Variants in CNTN6 observed in about 807,000 individuals in gnomAD.
CNTN6 encodes the protein contactin 6.
In CNTN6, 137 loss-of-function variants were observed where a neutral mutation model predicts 122.8. That is an observed-to-expected ratio of 1.12 (90% CI 0.97 to 1.29). The LOEUF (loss-of-function observed/expected upper bound fraction) is 1.29. Ranked by LOEUF, CNTN6 falls within the 50% of genes most tolerant of loss-of-function variation. The pLI, the probability that CNTN6 is intolerant of heterozygous loss-of-function variation, is 0.00. For synonymous variants in CNTN6, 570 were observed against 426.0 expected (o/e 1.34, Z -4.16); for missense variants, 1,634 against 1,223.4 (o/e 1.34, Z -5.01).
intron 7 of CNTN6, among the ~76,000 whole-genome samples, chr3:1,314,799 CT>C (rs1332725570): frequency 6.6e-6 from 1 of 151,960 alleles, no homozygotes; most frequent in Non-Finnish European, 1.5e-5. Flanking sequence ...CTTTTATCAT[CT>C]AGTAGTATTT....
At chr3:1,121,861 C>T (rs1484458320) in intron 1 of CNTN6, among the ~76,000 whole-genome samples, 1 of 151,810 alleles carries the variant, frequency 6.6e-6, no homozygotes, top group African/African-American at 2.4e-5. Flanking sequence ...TGTGTATTGC[C>T]TTTTCCTTCT....
At chr3:1,240,466 C>T (rs1285276379) in intron 4 of CNTN6, among the ~76,000 whole-genome samples, 1 of 152,112 alleles carries the variant, frequency 6.6e-6, no homozygotes, top group Admixed American at 6.5e-5. Flanking sequence ...ATCAAAACCA[C>T]AATGCAATAC....
intron 4 of CNTN6, among the ~76,000 whole-genome samples, chr3:1,251,799 A>T (rs1213771260): frequency 6.6e-6 from 1 of 152,128 alleles, no homozygotes; most frequent in Non-Finnish European, 1.5e-5. Context: ...CAACTAAATC[A>T]TCCTCACATA....
At chr3:1,219,139 AT>A (rs1460369545) in intron 2 of CNTN6, among the ~76,000 whole-genome samples, 2 of 152,242 alleles carry the variant, frequency 1.3e-5, no homozygotes, top group African/African-American at 2.4e-5. Context: ...CCAGTGAGGC[AT>A]ATTTGCATTG....
At chr3:1,354,726 G>T (rs556745517) in intron 12 of CNTN6, among the ~76,000 whole-genome samples, 1 of 151,410 alleles carries the variant, frequency 6.6e-6, no homozygotes, top group Non-Finnish European at 1.5e-5. Flanking sequence ...AGTTCATAGG[G>T]ATATTTTTCA....
chr3:1,277,369 T>G (rs868812232), intron 4 of CNTN6, among the ~76,000 whole-genome samples: 4,384 of 130,698 alleles, frequency 0.034, 81 homozygotes, highest in Non-Finnish European at 0.049. Flanking sequence ...TTTTTTTTTT[T>G]TTTTTTTTGA....
At chr3:1,374,779 T>A (rs1200492308) in intron 16 of CNTN6, among the ~76,000 whole-genome samples, 1 of 152,112 alleles carries the variant, frequency 6.6e-6, no homozygotes, top group African/African-American at 2.4e-5. Context: ...CTAGCTTAAT[T>A]TAACAAACAC....
intron 4 of CNTN6, 107 bp from the exon 5 acceptor site, chr3:1,278,306 T>A (rs139282068): frequency 4.0e-4 from 289 of 719,988 alleles, no homozygotes; most frequent in Middle Eastern, 8.3e-4. Flanking sequence ...GTCAGCAAAG[T>A]ATGAGATTAA....
intron 2 of CNTN6, among the ~76,000 whole-genome samples, chr3:1,148,485 T>C (rs776296450): frequency 3.3e-5 from 5 of 152,016 alleles, no homozygotes; most frequent in Non-Finnish European, 5.9e-5. Context: ...TAGAAATTGA[T>C]ATGGCAAAAA....
At chr3:1,208,726 ATT>A (rs1277935369) in intron 2 of CNTN6, among the ~76,000 whole-genome samples, 5 of 152,066 alleles carry the variant, frequency 3.3e-5, no homozygotes, top group African/African-American at 1.2e-4. Flanking sequence ...TCTAAACCTC[ATT>A]TTCTCATCTT....
At chr3:1,397,566 T>G (rs1405751318) in intron 20 of CNTN6, among the ~76,000 whole-genome samples, 1 of 152,132 alleles carries the variant, frequency 6.6e-6, no homozygotes, top group East Asian at 1.9e-4. Context: ...AGACATTACT[T>G]AAATGGAATT....
chr3:1,366,835 A>C (rs1353646680), intron 12 of CNTN6, among the ~76,000 whole-genome samples: 11 of 152,252 alleles, frequency 7.2e-5, no homozygotes, highest in Non-Finnish European at 1.2e-4. Context: ...CTCTTCACCC[A>C]CACAGGAGGC....
At position 1,244,225 on chromosome 3, in the gene CNTN6, A is replaced by G. The variant is rs200017130; in HGVS notation, c.358+16232A>G. Among the ~76,000 whole-genome samples, 483 of 152,194 alleles carry G rather than the reference A, an allele frequency of 3.2e-3. 1 individual carries two copies. The highest frequency in any genetic ancestry group is 8.4e-3 in the East Asian group (43 of 5,138). ...TTGAGCACACAGGCTAAGGGAGAAG[A>G]AGGAGGAATGGAGGGTGGAAGGTGG... On this transcript the variant is annotated intron_variant, in intron 4 of 22. Transcript: ENST00000446702.
At chr3:1,121,683 T>C (rs2091954973) in intron 1 of CNTN6, among the ~76,000 whole-genome samples, 2 of 151,900 alleles carry the variant, frequency 1.3e-5, no homozygotes, top group East Asian at 1.9e-4. Context: ...ATTACAAATA[T>C]TTTTCATGTT....
intron 2 of CNTN6, among the ~76,000 whole-genome samples, chr3:1,217,417 G>A (rs2094143963): frequency 6.6e-6 from 1 of 152,116 alleles, no homozygotes; most frequent in African/African-American, 2.4e-5. Context: ...GCACTGGAGG[G>A]GAGAAAACAT....
intron 4 of CNTN6, among the ~76,000 whole-genome samples, chr3:1,277,346 C>CTTTTCTTTTTTTTT (rs1692561797): frequency 5.0e-5 from 4 of 80,170 alleles, no homozygotes; most frequent in East Asian, 3.7e-4. Flanking sequence ...AGTAGGTTTT[C>CTTTTCTTTTTTTTT]TTTTTTTTTT....
At chr3:1,176,494 T>G (rs899718887) in intron 2 of CNTN6, among the ~76,000 whole-genome samples, 3 of 152,180 alleles carry the variant, frequency 2.0e-5, no homozygotes, top group Non-Finnish European at 2.9e-5. Context: ...ATGACTAGCA[T>G]GCAACGGTGA....
chr3:1,377,849 C>T lies in CNTN6; in HGVS notation c.2166+774C>T, dbSNP rs192449052. On this transcript the variant is annotated intron_variant, in intron 17 of 22. Transcript: ENST00000446702. The stretch of plus-strand genomic sequence containing the variant: ...AAGGAAAAGGTCTGGATTGCTGGTA[C>T]ATTTCTCGTTTGACTTTGGTGTGCT... Among the ~76,000 whole-genome samples, 449 of 152,240 alleles carry T rather than the reference C, an allele frequency of 2.9e-3. 1 individual carries two copies. Among genetic ancestry groups the T allele is most frequent in the Non-Finnish European group, 4.6e-3 (311 of 68,018 alleles).
chr3:1,369,427 G>T (rs1347101996), intron 12 of CNTN6, among the ~76,000 whole-genome samples: 1 of 144,062 alleles, frequency 6.9e-6, no homozygotes, highest in African/African-American at 2.6e-5. Context: ...CTTGACTCCA[G>T]TACTTAGCAT....
Sources: allele counts gnomAD v4.1 joint callset (sites outside exome capture counted in the v4.1 genomes callset), GRCh38; gene constraint gnomAD v4.1.1; transcripts MANE v1.5; gene names NCBI Gene and HGNC (gene_info 2026-07-23, HGNC 2026-07-21).